The following KAZN variants were observed in gnomAD, a reference collection of about 807,000 sequenced individuals.
KAZN encodes kazrin.
A neutral mutation model predicts 87.4 loss-of-function variants in KAZN; 40 were observed. The ratio of observed to expected loss-of-function variants is 0.46; its 90% confidence interval spans 0.36 to 0.60. The LOEUF is 0.60. KAZN is among the 20% of genes least tolerant of loss of function. The pLI is 0.00. For synonymous variants in KAZN, 466 were observed against 458.3 expected (o/e 1.02, Z -0.22); for missense variants, 898 against 1,073.9 (o/e 0.84, Z 2.29).
intron 1 of KAZN, among the ~76,000 whole-genome samples, chr1:14,122,210 T>C (rs1430332363): frequency 6.6e-6 from 1 of 152,140 alleles, no homozygotes; most frequent in Non-Finnish European, 1.5e-5. Flanking sequence ...GAATATGTTT[T>C]AAAGAAGAAA....
chr1:14,368,514 C>T lies in KAZN; in HGVS notation c.249+187922C>T, dbSNP rs190322450. 5.4e-4 allele frequency among the ~76,000 whole-genome samples: 83 copies of T among 152,346 alleles called. No homozygotes were observed. The East Asian group carries it at 9.9e-3, about 18-fold the overall frequency. ...GTACAATCAGCTTTCACAATTTACA[C>T]ATAACTGAAGCCTGCTAACAACCCA... is the stretch of plus-strand genomic sequence containing the variant. On this transcript the variant is annotated intron_variant, in intron 2 of 16. Coordinates refer to the KAZN transcript ENST00000636203.
At chr1:14,938,786 G>A (rs1269244692) in intron 1 of KAZN, among the ~76,000 whole-genome samples, 2 of 152,048 alleles carry the variant, frequency 1.3e-5, no homozygotes, top group African/African-American at 4.8e-5. Flanking sequence ...GGAGACTCTC[G>A]GGCAAGCTGC....
chr1:13,959,785 C>T (rs1418023169), intron 1 of KAZN, among the ~76,000 whole-genome samples: 1 of 152,144 alleles, frequency 6.6e-6, no homozygotes, highest in Non-Finnish European at 1.5e-5. Context: ...GGCAGCCTTT[C>T]TCATTAGATT....
chr1:13,946,608 G>A (rs1641154256), intron 1 of KAZN, among the ~76,000 whole-genome samples: 1 of 152,054 alleles, frequency 6.6e-6, no homozygotes, highest in Non-Finnish European at 1.5e-5. Flanking sequence ...CAGTACCTAG[G>A]ACAATCCTTG....
chr1:14,289,613 T>C (rs754213981), intron 2 of KAZN, among the ~76,000 whole-genome samples: 1 of 152,174 alleles, frequency 6.6e-6, no homozygotes, highest in Non-Finnish European at 1.5e-5. Context: ...TAGCACACTG[T>C]TGGGTCTTGA....
At chr1:14,699,075 G>T (rs1358563269) in intron 1 of KAZN, among the ~76,000 whole-genome samples, 5 of 152,178 alleles carry the variant, frequency 3.3e-5, no homozygotes, top group Non-Finnish European at 7.3e-5. Flanking sequence ...CCCCAGTAAA[G>T]AACTCCTGGA....
At chr1:13,934,549 A>G (rs1214052827) in intron 1 of KAZN, among the ~76,000 whole-genome samples, 1 of 152,170 alleles carries the variant, frequency 6.6e-6, no homozygotes, top group Non-Finnish European at 1.5e-5. Flanking sequence ...ATTGGTGGAG[A>G]ACAGGTTCTC....
intron 1 of KAZN, among the ~76,000 whole-genome samples, chr1:14,927,663 G>A (rs1417993895): frequency 6.6e-6 from 1 of 152,116 alleles, no homozygotes; most frequent in Non-Finnish European, 1.5e-5. Flanking sequence ...CACTCTACAG[G>A]TCTGTAACTG....
intron 2 of KAZN, among the ~76,000 whole-genome samples, chr1:14,524,227 G>A (rs1671746556): frequency 6.6e-6 from 1 of 152,080 alleles, no homozygotes; most frequent in Non-Finnish European, 1.5e-5. Context: ...TCACCATGCT[G>A]GCCAGGCTGG....
chr1:14,472,840 A>AG (rs1306037866), intron 2 of KAZN, among the ~76,000 whole-genome samples: 2 of 152,128 alleles, frequency 1.3e-5, no homozygotes, highest in Non-Finnish European at 2.9e-5. Context: ...TATATGTTCC[A>AG]GGTGCTGTGC....
intron 2 of KAZN, among the ~76,000 whole-genome samples, chr1:14,975,633 A>G (rs1438783807): frequency 6.6e-6 from 1 of 152,248 alleles, no homozygotes; most frequent in Non-Finnish European, 1.5e-5. Flanking sequence ...CATGGAATAT[A>G]AATTCCACAG....
chr1:14,880,908 C>T (rs1254748612), intron 1 of KAZN, among the ~76,000 whole-genome samples: 1 of 152,168 alleles, frequency 6.6e-6, no homozygotes, highest in African/African-American at 2.4e-5. Flanking sequence ...TGATTTATAC[C>T]AGTTGCTAGG....
intron 1 of KAZN, among the ~76,000 whole-genome samples, chr1:14,871,356 G>A (rs1434755705): frequency 6.6e-6 from 1 of 152,004 alleles, no homozygotes; most frequent in Non-Finnish European, 1.5e-5. Context: ...TTGCTTCCTG[G>A]TAAAGCTCTG....
At chr1:14,055,290 A>C (rs1642501460) in intron 1 of KAZN, among the ~76,000 whole-genome samples, 1 of 152,214 alleles carries the variant, frequency 6.6e-6, no homozygotes, top group African/African-American at 2.4e-5. Context: ...ACTGGCACAT[A>C]ATAAGTACTC....
intron 2 of KAZN, among the ~76,000 whole-genome samples, chr1:14,443,114 C>A (rs184725559): frequency 8.5e-5 from 13 of 152,336 alleles, no homozygotes; most frequent in African/African-American, 3.1e-4. Context: ...ATTCTTGCAA[C>A]CGTGAAATGT....
chr1:14,268,559 A>C (rs1386314614), intron 2 of KAZN, among the ~76,000 whole-genome samples: 1 of 151,972 alleles, frequency 6.6e-6, no homozygotes, highest in African/African-American at 2.4e-5. Flanking sequence ...GGAAGGAGAA[A>C]ACCTTCCATT....
chr1:14,580,775 C>T (rs1675498540), intron 2 of KAZN, among the ~76,000 whole-genome samples: 1 of 152,220 alleles, frequency 6.6e-6, no homozygotes, highest in Non-Finnish European at 1.5e-5. Flanking sequence ...TTGCAGTCAC[C>T]TTTGACCTCT....
At chr1:14,779,942 G>T (rs1645284182) in intron 1 of KAZN, among the ~76,000 whole-genome samples, 1 of 152,140 alleles carries the variant, frequency 6.6e-6, no homozygotes, top group South Asian at 2.1e-4. Context: ...GTGTACCTGG[G>T]GTTAATGATG....
chr1:13,993,640 G>A (rs1322601723), intron 1 of KAZN, among the ~76,000 whole-genome samples: 2 of 152,172 alleles, frequency 1.3e-5, no homozygotes, highest in Non-Finnish European at 2.9e-5. Context: ...GAAGATCCCA[G>A]CCTTCGTGGA....
Sources: gnomAD v4.1 joint callset for allele counts (sites outside exome capture counted in the v4.1 genomes callset) on GRCh38, gnomAD v4.1.1 for gene constraint, MANE v1.5 for transcripts, NCBI Gene and HGNC (gene_info 2026-07-23, HGNC 2026-07-21) for gene names.